Variants in TMEM272 observed in about 807,000 individuals in gnomAD.
TMEM272 encodes the protein long intergenic non-protein coding RNA 282.
In TMEM272, 8 loss-of-function variants were observed where a neutral mutation model predicts 3.7. The observed-to-expected ratio is 2.17, with a 90% CI of 1.27 to 3.91. The LOEUF (loss-of-function observed/expected upper bound fraction) is 3.91, where lower values mean the gene tolerates loss of function less well. TMEM272 is among the 30% of genes most tolerant of loss of function. The pLI is 0.00. For synonymous variants in TMEM272, 63 were observed against 39.8 expected, an observed-to-expected ratio of 1.58 and a Z score of -2.20; for missense variants, 166 against 91.5, an observed-to-expected ratio of 1.81 and a Z score of -3.32.
the TMEM272 span, among the ~76,000 whole-genome samples, chr13:51,931,491 G>A: frequency 6.6e-6 from 1 of 152,096 alleles, no homozygotes; most frequent in Admixed American, 6.5e-5. Flanking sequence ...GCCTGCTGAG[G>A]GGTGGGGGAT....
the TMEM272 span, among the ~76,000 whole-genome samples, chr13:51,860,797 T>C: frequency 6.2e-5 from 9 of 145,832 alleles, no homozygotes; most frequent in Non-Finnish European, 7.5e-5. Context: ...TATAGATATA[T>C]AGAAAAAATA....
chr13:51,841,812 T>C (rs1593600725), intron 1 of TMEM272, among the ~76,000 whole-genome samples: 1 of 152,316 alleles, frequency 6.6e-6, no homozygotes, highest in East Asian at 1.9e-4. Context: ...GCTTGTTATT[T>C]TCATAAACTG....
chr13:51,903,602 C>T, the TMEM272 span, among the ~76,000 whole-genome samples: 1 of 152,162 alleles, frequency 6.6e-6, no homozygotes, highest in Non-Finnish European at 1.5e-5. Context: ...GGTGTAAGTG[C>T]AGGAGACCCT....
the TMEM272 span, among the ~76,000 whole-genome samples, chr13:51,922,279 C>T: frequency 6.6e-6 from 1 of 152,218 alleles, no homozygotes; most frequent in Non-Finnish European, 1.5e-5. Context: ...CCTGTTTATA[C>T]ACTAGTGATT....
intron 4 of TMEM272, 129 bp from the exon 5 acceptor site, chr13:51,817,242 GA>G (rs2139543681): frequency 1.7e-6 from 1 of 596,028 alleles, no homozygotes; most frequent in East Asian, 2.8e-5. Flanking sequence ...AAGGTGTTAT[GA>G]AAAGTGAACA....
In TMEM272 at chr13:51,815,015, G is replaced by C. The variant is rs1956004447; in HGVS notation, c.*1736C>G. 1 of 152,812 alleles carries C rather than the reference G, an allele frequency of 6.5e-6. No homozygotes were observed. The highest frequency in any genetic ancestry group is 2.4e-5 in the African/African-American group (1 of 41,448). The allele number at this position is 152,812 out of a possible 1,614,324, so 9.5% of individuals were successfully genotyped here. A position where few individuals can be genotyped will look rare whatever the true frequency, so the allele number is the denominator to read the frequency against. On this transcript the variant is annotated 3_prime_UTR_variant, in exon 5 of 5. Coordinates refer to ENST00000629372, the MANE Select transcript of TMEM272 (RefSeq NM_001351003.2). ...ACAGATGTCCAAGCATTGGCTAAGT[G>C]ACTGGGAATGGCTGACGAGTCATGG...
At chr13:51,843,997 G>A (rs1464590851) in intron 1 of TMEM272, among the ~76,000 whole-genome samples, 1 of 152,164 alleles carries the variant, frequency 6.6e-6, no homozygotes, top group East Asian at 1.9e-4. Context: ...CTGGAGCAGG[G>A]CTGTCGATAA....
intron 2 of TMEM272, among the ~76,000 whole-genome samples, chr13:51,831,840 C>A (rs1008524428): frequency 6.6e-6 from 1 of 152,228 alleles, no homozygotes; most frequent in Non-Finnish European, 1.5e-5. Context: ...GCACCAATTC[C>A]AATGCAACTC....
Position 51,816,488 on chromosome 13 carries a change from A to T in TMEM272, c.*263T>A. 1 of 382,104 alleles carries T rather than the reference A, an allele frequency of 2.6e-6. No individual in the cohort carries two copies. The highest frequency in any genetic ancestry group is 4.8e-6 in the Non-Finnish European group (1 of 210,368). The allele number at this position is 382,104 out of a possible 1,614,324, so 23.7% of individuals were successfully genotyped here. ...CCCTCAAAAACAATTATCCCTTTGA[A>T]AACTCTTGTGAGAACAAAATTCCCA... On this transcript the variant is annotated 3_prime_UTR_variant, in exon 5 of 5. Coordinates refer to ENST00000629372, the MANE Select transcript of TMEM272 (RefSeq NM_001351003.2).
At chr13:51,878,559 GGATTACAATTCA>G in the TMEM272 span, among the ~76,000 whole-genome samples, 1 of 152,142 alleles carries the variant, frequency 6.6e-6, no homozygotes, top group Non-Finnish European at 1.5e-5. Flanking sequence ...CAGCACCTGG[GGATTACAATTCA>G]GATTACAATT....
At chr13:51,863,123 C>T in the TMEM272 span, among the ~76,000 whole-genome samples, 1 of 152,178 alleles carries the variant, frequency 6.6e-6, no homozygotes, top group Non-Finnish European at 1.5e-5. Flanking sequence ...GTAGAGGATG[C>T]GACATGTGCT....
At chr13:51,884,785 C>T in the TMEM272 span, among the ~76,000 whole-genome samples, 1 of 152,178 alleles carries the variant, frequency 6.6e-6, no homozygotes, top group East Asian at 1.9e-4. Flanking sequence ...CCCCAAAAGG[C>T]TCTGATGAGG....
At chr13:51,926,123 A>C in the TMEM272 span, among the ~76,000 whole-genome samples, 5 of 149,954 alleles carry the variant, frequency 3.3e-5, no homozygotes, top group Admixed American at 6.6e-5. Context: ...TGTGTGGTGT[A>C]TGTGTCTATG....
chr13:51,843,608 T>C (rs1956279772), intron 1 of TMEM272, among the ~76,000 whole-genome samples: 1 of 152,260 alleles, frequency 6.6e-6, no homozygotes, highest in African/African-American at 2.4e-5. Flanking sequence ...TTTTCTTATT[T>C]GATAGAAAGT....
the TMEM272 span, among the ~76,000 whole-genome samples, chr13:51,917,028 C>T: frequency 2.6e-4 from 40 of 152,334 alleles, no homozygotes; most frequent in East Asian, 7.3e-3. Context: ...GCCCCGTTAA[C>T]GCTAACCTGT....
At chr13:51,885,600 C>A in the TMEM272 span, among the ~76,000 whole-genome samples, 1 of 152,192 alleles carries the variant, frequency 6.6e-6, no homozygotes, top group African/African-American at 2.4e-5. Context: ...AACCATATCA[C>A]AGCATAACAG....
the TMEM272 span, among the ~76,000 whole-genome samples, chr13:51,899,690 G>A: frequency 6.6e-6 from 1 of 152,124 alleles, no homozygotes; most frequent in Non-Finnish European, 1.5e-5. Context: ...CAGAATAGCC[G>A]AAACAATCTT....
the TMEM272 span, chr13:51,909,005 C>A: frequency 6.9e-7 from 1 of 1,459,396 alleles, no homozygotes; most frequent in Non-Finnish European, 9.6e-7. Context: ...TCAGTGGACC[C>A]TCCAACAAAG....
At chr13:51,909,429 A>G in the TMEM272 span, 1 of 867,850 alleles carries the variant, frequency 1.2e-6, no homozygotes, top group South Asian at 1.3e-5. Context: ...CTCTACTATT[A>G]ATTTCCTGTA....
Sources: allele counts gnomAD v4.1 joint callset (sites outside exome capture counted in the v4.1 genomes callset), GRCh38; gene constraint gnomAD v4.1.1; transcripts MANE v1.5; gene names NCBI Gene and HGNC (gene_info 2026-07-23, HGNC 2026-07-21).